Variants in FNDC3A observed in about 807,000 individuals in gnomAD.
FNDC3A encodes the protein fibronectin type III domain containing 3A.
In FNDC3A, 32 loss-of-function variants were observed where a neutral mutation model predicts 148.9. The ratio of observed to expected loss-of-function variants is 0.21; its 90% CI spans 0.16 to 0.29. FNDC3A has a LOEUF of 0.29. FNDC3A is among the 10% of genes least tolerant of loss of function. The pLI, the probability that FNDC3A is intolerant of heterozygous loss-of-function variation, is 1.00. For missense variants in FNDC3A, 1,191 were observed against 1,452.8 expected (o/e 0.82, Z 2.93); for synonymous variants, 472 against 473.6 (o/e 1.00, Z 0.04).
In FNDC3A at chr13:49,203,287, A is replaced by G. The variant is rs779890921; in HGVS notation, c.3282+3A>G. The G allele has an allele frequency of 1.1e-5, 18 of 1,593,702 alleles. No individual in the cohort carries two copies. Among genetic ancestry groups the G allele is most frequent in the Admixed American group, 3.5e-5 (2 of 57,642 alleles). On this transcript the variant is annotated splice_donor_region_variant and intron_variant, in intron 25 of 25. Coordinates refer to ENST00000492622, the MANE Select transcript of FNDC3A (RefSeq NM_001079673.2). ...GAAAAGATTCAGAATTCAAACAGGTATGTACCAAGATATTAATGTGTGGAT... is the reference window on the plus strand; with the variant it reads ...GAAAAGATTCAGAATTCAAACAGGTGTGTACCAAGATATTAATGTGTGGAT...
In FNDC3A at chr13:49,208,051, C is replaced by G. The variant is rs1299178467; in HGVS notation, c.*656C>G. On this transcript the variant is annotated 3_prime_UTR_variant, in exon 26 of 26. Coordinates refer to ENST00000492622, the MANE Select transcript of FNDC3A (RefSeq NM_001079673.2). Reference sequence around the variant, plus strand: ...TTAAAGAACAGACAGTTTACTTGGCCTAAAAATATTTTGATGTTTACTCAA... The same window carrying G: ...TTAAAGAACAGACAGTTTACTTGGCGTAAAAATATTTTGATGTTTACTCAA... The G allele has an allele frequency of 6.6e-6, 1 of 152,282 alleles. No individual in the cohort carries two copies. Among genetic ancestry groups the G allele is most frequent in the Non-Finnish European group, 1.5e-5 (1 of 67,998 alleles). 9.4% of individuals were successfully genotyped at this position (152,282 alleles called of 1,614,324 possible).
At chr13:49,024,055 A>T (rs1873522409) in intron 2 of FNDC3A, among the ~76,000 whole-genome samples, 1 of 152,008 alleles carries the variant, frequency 6.6e-6, no homozygotes, top group African/African-American at 2.4e-5. Context: ...ATCACAACGG[A>T]TACCACAGAA....
At chr13:48,983,962 A>C (rs1951742425) in intron 1 of FNDC3A, among the ~76,000 whole-genome samples, 1 of 152,188 alleles carries the variant, frequency 6.6e-6, no homozygotes, top group African/African-American at 2.4e-5. Context: ...AATAAATATA[A>C]TACAAATACA....
intron 3 of FNDC3A, chr13:49,110,345 C>CTA (rs2137863473): frequency 6.2e-7 from 1 of 1,605,530 alleles, no homozygotes; most frequent in Admixed American, 1.7e-5. Flanking sequence ...TTAACGTGTA[C>CTA]TACGCTGTTT....
At chr13:49,001,183 ATAATTTCTT>A (rs1952118448) in intron 1 of FNDC3A, among the ~76,000 whole-genome samples, 6 of 152,210 alleles carry the variant, frequency 3.9e-5, no homozygotes, top group Non-Finnish European at 7.3e-5. Flanking sequence ...TAATACTTTT[ATAATTTCTT>A]ACGCCTGTAT....
intron 5 of FNDC3A, among the ~76,000 whole-genome samples, chr13:49,134,545 G>A (rs1285683849): frequency 6.6e-6 from 1 of 151,964 alleles, no homozygotes; most frequent in East Asian, 1.9e-4. Context: ...TTCCGGGTAT[G>A]TGCCTCAGAG....
In FNDC3A at chr13:49,117,121, A is replaced by G. The variant is rs537067338; in HGVS notation, c.252+2390A>G. 7.2e-5 allele frequency among the ~76,000 whole-genome samples: 11 copies of G among 152,324 alleles called. No homozygotes were observed. The South Asian group carries it at 2.3e-3, about 32-fold the overall frequency. On this transcript the variant is annotated intron_variant, in intron 4 of 25. Transcript: ENST00000492622. ...CAATGCCAAGTATATAGCCTGTCAT[A>G]TAGTAGGAGCTCAGTAAATATTTGT... is the stretch of plus-strand genomic sequence containing the variant.
chr13:48,985,301 C>T (rs1042452713), intron 1 of FNDC3A, among the ~76,000 whole-genome samples: 3 of 152,036 alleles, frequency 2.0e-5, no homozygotes, highest in Admixed American at 6.6e-5. Context: ...ACTATTGAAC[C>T]GAATATAAAT....
Position 49,136,405 on chromosome 13 carries a change from A to G in FNDC3A, c.564A>G (p.Lys188=). 1 of 1,614,146 alleles carries G rather than the reference A, an allele frequency of 6.2e-7. No homozygotes were observed. ...GTAAAACATATGAACGTTTGCAGAA[A>G]AAATTGAAGGATCGCCAAGGAACAC... is the stretch of plus-strand genomic sequence containing the variant. ...RSSKTYERLQ[K]KLKDRQGTQK... is the part of the protein sequence containing the mutation. Residue 188 remains lysine (K), a synonymous_variant, in exon 6 of 26, where the codon AAA becomes AAG. Transcript: ENST00000492622.
chr13:49,075,320 C>A lies in FNDC3A; in HGVS notation c.131C>A (p.Ala44Glu). 6.2e-7 allele frequency: 1 copy of A among 1,603,508 alleles called. No homozygotes were observed. Among genetic ancestry groups the A allele is most frequent in the African/African-American group, 1.3e-5 (1 of 74,754 alleles). Residue 44 changes from alanine to glutamate, a missense_variant, in exon 3 of 26, where the codon GCA (alanine) becomes GAA (glutamate). Physicochemically the swap from Ala to Glu is moderately radical, Grantham distance 107. Around this residue, in one of 3 missense-constraint regions of FNDC3A, gnomAD observed 426 missense variants for 473.2 expected, o/e 0.90. Transcript: ENST00000492622. ...VILVQVNPGEAFTIRREDGQF... is the reference protein window; with the variant it reads ...VILVQVNPGEEFTIRREDGQF... Reference sequence around the variant, plus strand: ...CTGGTACAAGTTAACCCAGGAGAAGCATTTACAATAAGAAGAGAAGATGGA... The same window carrying A: ...CTGGTACAAGTTAACCCAGGAGAAGAATTTACAATAAGAAGAGAAGATGGA...
In FNDC3A at chr13:49,114,636, A is replaced by G. The variant is rs1207679216; in HGVS notation, c.176-19A>G. On this transcript the variant is annotated intron_variant, in intron 3 of 25. Transcript: ENST00000492622. Reference sequence around the variant, plus strand: ...ATAAGCAATCATGGGTTAATACATCATTTATGTGACCCATTCAGGTCCTGC... The same window carrying G: ...ATAAGCAATCATGGGTTAATACATCGTTTATGTGACCCATTCAGGTCCTGC... 6 of 1,578,304 alleles carry G rather than the reference A, an allele frequency of 3.8e-6. No individual in the cohort carries two copies. The highest frequency in any genetic ancestry group is 5.2e-6 in the Non-Finnish European group (6 of 1,147,364).
In FNDC3A at chr13:49,109,906, A is replaced by G. The variant is rs918177690; in HGVS notation, c.176-4749A>G. Among the ~76,000 whole-genome samples, 4 of 152,194 alleles carry G rather than the reference A, an allele frequency of 2.6e-5. No homozygotes were observed. The East Asian group carries it at 7.7e-4, about 29-fold the overall frequency. The stretch of plus-strand genomic sequence containing the variant: ...CCTTAAGGATTGAGTATGGAGAATT[A>G]CGTTATACAATGACATTTCAGACTG... On this transcript the variant is annotated intron_variant, in intron 3 of 25. Transcript: ENST00000492622.
At chr13:49,190,875 A>G (rs911072813) in intron 17 of FNDC3A, 140 bp from the exon 18 acceptor site, 7 of 602,162 alleles carry the variant, frequency 1.2e-5, no homozygotes, top group Middle Eastern at 4.5e-4. Flanking sequence ...TCAGAACTTT[A>G]TTCCTTTTTT....
intron 1 of FNDC3A, among the ~76,000 whole-genome samples, chr13:49,002,946 C>T (rs1356902018): frequency 1.3e-5 from 2 of 152,164 alleles, no homozygotes; most frequent in African/African-American, 4.8e-5. Context: ...ATATATTCAA[C>T]CTTGGTAGAT....
intron 8 of FNDC3A, chr13:49,146,441 A>G (rs1882997049): frequency 6.5e-6 from 1 of 153,182 alleles, no homozygotes; most frequent in African/African-American, 2.4e-5. Context: ...TTGGTTTAAA[A>G]GTATATTACA....
intron 3 of FNDC3A, among the ~76,000 whole-genome samples, chr13:49,075,980 G>T (rs892086444): frequency 6.6e-6 from 1 of 151,964 alleles, no homozygotes; most frequent in African/African-American, 2.4e-5. Context: ...TGAACTGTAG[G>T]GTGTTTAGTG....
chr13:49,068,291 G>A (rs1228818900), intron 2 of FNDC3A, among the ~76,000 whole-genome samples: 1 of 152,068 alleles, frequency 6.6e-6, no homozygotes, highest in Non-Finnish European at 1.5e-5. Flanking sequence ...TTGAGCCCGG[G>A]AGGTCAAGGC....
At chr13:49,032,063 G>T (rs2137666072) in intron 2 of FNDC3A, among the ~76,000 whole-genome samples, 1 of 152,278 alleles carries the variant, frequency 6.6e-6, no homozygotes, top group Admixed American at 6.5e-5. Context: ...TCAGTCATCA[G>T]GGAAATGCAA....
Position 49,131,122 on chromosome 13 carries a change from A to C in FNDC3A, c.253-15A>C. 1 of 1,570,622 alleles carries C rather than the reference A, an allele frequency of 6.4e-7. No individual in the cohort carries two copies. Among genetic ancestry groups the C allele is most frequent in the African/African-American group, 1.3e-5 (1 of 74,082 alleles). On this transcript the variant is annotated splice_polypyrimidine_tract_variant and intron_variant, in intron 4 of 25. Coordinates refer to ENST00000492622, the MANE Select transcript of FNDC3A (RefSeq NM_001079673.2). ...ATTCTATGGAAGAAATTTTAATCTG[A>C]TGTTCATTTTGTAGGTTATTGAAGA...
Sources: allele counts gnomAD v4.1 joint callset (sites outside exome capture counted in the v4.1 genomes callset), GRCh38; gene constraint gnomAD v4.1.1; regional missense constraint gnomAD v4.1.1; transcripts MANE v1.5; gene names NCBI Gene and HGNC (gene_info 2026-07-23, HGNC 2026-07-21).